Variants in CCDC187 observed in about 807,000 individuals in gnomAD.
CCDC187 encodes coiled-coil domain containing 187.
In CCDC187, 32 loss-of-function variants were observed where a neutral mutation model predicts 38.0. That is an observed-to-expected ratio of 0.84 (90% confidence interval 0.64 to 1.13). The LOEUF (loss-of-function observed/expected upper bound fraction) is 1.13. CCDC187 is among the 50% of genes most tolerant of loss of function. CCDC187 has a pLI of 0.00. For missense variants in CCDC187, 707 were observed against 786.8 expected (o/e 0.90, Z 1.21); for synonymous variants, 333 against 347.9 (o/e 0.96, Z 0.48).
At chr9:136,293,535 ACACT>A (rs1831434860) in intron 4 of CCDC187, among the ~76,000 whole-genome samples, 1 of 147,756 alleles carries the variant, frequency 6.8e-6, no homozygotes, top group South Asian at 2.1e-4. Flanking sequence ...ACACGCTTAC[ACACT>A]CACACTGACA....
rs114677927 is a variant in CCDC187 at position 136,259,907 on chromosome 9, A to G, written c.4210+212T>C. Reference sequence around the variant, plus strand: ...TCTTGGGAATGCTGGCTGCCAGTGCACGGGGTGGCCCGCCTGCTGGCAAAC... The same window carrying G: ...TCTTGGGAATGCTGGCTGCCAGTGCGCGGGGTGGCCCGCCTGCTGGCAAAC... On this transcript the variant is annotated intron_variant, in intron 20 of 25. Transcript: ENST00000638797. 8.3e-3 allele frequency among the ~76,000 whole-genome samples: 1,263 copies of G among 152,264 alleles called. 17 individuals carry two copies. The highest frequency in any genetic ancestry group is 0.029 in the African/African-American group (1,192 of 41,558).
rs913676196 is a variant in CCDC187 at position 136,286,556 on chromosome 9, G to T, written c.2362C>A (p.Leu788Met). Residue 788 changes from leucine to methionine, a missense_variant, in exon 8 of 26, where the codon CTG becomes ATG. Leu to Met is a conservative substitution (Grantham distance 15). Coordinates refer to ENST00000638797, the MANE Select transcript of CCDC187 (RefSeq NM_001378188.1). ...PSLGSLELQD[L>M]TTRYLPRGMC... ...CCCCGGGGTAGGTAGCGGGTGGTCA[G>T]GTCCTGGAGCTCCAGGGATCCCAGA... is the stretch of plus-strand genomic sequence containing the variant. The T allele has an allele frequency of 5.0e-6, 2 of 398,778 alleles. No homozygotes were observed. Among genetic ancestry groups the T allele is most frequent in the Non-Finnish European group, 8.8e-6 (2 of 226,164 alleles). The allele number at this position is 398,778 out of a possible 1,614,324, so 24.7% of individuals were successfully genotyped here. A position where few individuals can be genotyped will look rare whatever the true frequency, so the allele number is the denominator to read the frequency against.
Position 136,258,543 on chromosome 9 carries a change from G to A in CCDC187, c.4366+389C>T, listed in dbSNP as rs73670216. 7.9e-5 allele frequency among the ~76,000 whole-genome samples: 12 copies of A among 152,114 alleles called. No homozygotes were observed. The highest frequency in any genetic ancestry group is 2.9e-4 in the African/African-American group (12 of 41,416). ...TGCAAATTGGGGACTTGGCTCTCGG[G>A]GGGGGCCCCGGCCAAGTGTAAGGTT... On this transcript the variant is annotated intron_variant, in intron 22 of 25. Transcript: ENST00000638797. The surrounding 1 kb of genome is among the most constrained non-coding windows in gnomAD (Gnocchi z 4.3).
chr9:136,276,423 G>A (rs1209531919), intron 11 of CCDC187, 122 bp from the exon 12 acceptor site: 3 of 152,040 alleles, frequency 2.0e-5, no homozygotes, highest in African/African-American at 4.8e-5. Context: ...CCAGCCCCCC[G>A]ACTTTCTCTC....
chr9:136,267,380 T>A lies in CCDC187; in HGVS notation c.3647+4A>T. 1 of 985,278 alleles carries A rather than the reference T, an allele frequency of 1.0e-6. No individual in the cohort carries two copies. The highest frequency in any genetic ancestry group is 1.7e-5 in the African/African-American group (1 of 57,146). 61.0% of individuals were successfully genotyped at this position (985,278 alleles called of 1,614,324 possible). A position where few individuals can be genotyped will look rare whatever the true frequency, so the allele number is the denominator to read the frequency against. On this transcript the variant is annotated splice_donor_region_variant and intron_variant, in intron 16 of 25. Transcript: ENST00000638797. ...CGGGGCCGGCGCCAGGCGCATGCGC[T>A]CACCCTCGTCGATGCTCCAGCCAGG...
chr9:136,260,316 A>T, intron 19 of CCDC187, 52 bp from the exon 20 acceptor site: 1 of 984,348 alleles, frequency 1.0e-6, no homozygotes, highest in Non-Finnish European at 1.2e-6. Context: ...GCCCCTTCCC[A>T]GGTGTCCAGC....
At chr9:136,272,429 G>A (rs185143201) in intron 14 of CCDC187, among the ~76,000 whole-genome samples, 25 of 152,220 alleles carry the variant, frequency 1.6e-4, no homozygotes, top group African/African-American at 5.3e-4. Flanking sequence ...ATGGCCGGGC[G>A]TGGTGGCTCA....
Position 136,254,227 on chromosome 9 carries a change from A to T in CCDC187, c.5601T>A (p.Pro1867=), listed in dbSNP as rs1315775711. 1 of 985,196 alleles carries T rather than the reference A, an allele frequency of 1.0e-6. No individual in the cohort carries two copies. The highest frequency in any genetic ancestry group is 1.2e-6 in the Non-Finnish European group (1 of 829,870). The allele number at this position is 985,196 out of a possible 1,614,324, so 61.0% of individuals were successfully genotyped here. A position where few individuals can be genotyped will look rare whatever the true frequency, so the allele number is the denominator to read the frequency against. Reference sequence around the variant, plus strand: ...GCGGGAACACCACACCGGCGGCCTCAGGGGGTGCCTGGAGGGCTTCTCCTG... The same window carrying T: ...GCGGGAACACCACACCGGCGGCCTCTGGGGGTGCCTGGAGGGCTTCTCCTG... ...SDTGEALQAP[P]EAAGVVFPLQ... Residue 1867 remains proline, a synonymous_variant, in exon 26 of 26, where the codon CCT becomes CCA. Coordinates refer to ENST00000638797, the MANE Select transcript of CCDC187 (RefSeq NM_001378188.1).
Position 136,252,515 on chromosome 9 carries a change from GC to G in CCDC187, c.*1078del. The stretch of plus-strand genomic sequence containing the variant: ...AAGGTCCAGGCGACCATCCTGCACA[GC>G]CGGCCGCCCACCCGGTCCACCGGGG... On this transcript the variant is annotated 3_prime_UTR_variant, in exon 26 of 26. Transcript: ENST00000638797. 1 of 190,760 alleles carries G rather than the reference GC, an allele frequency of 5.2e-6. No individual in the cohort carries two copies. The highest frequency in any genetic ancestry group is 1.1e-5 in the Non-Finnish European group (1 of 89,690). 11.8% of individuals were successfully genotyped at this position (190,760 alleles called of 1,614,324 possible).
intron 2 of CCDC187, among the ~76,000 whole-genome samples, chr9:136,302,068 G>A (rs1399631037): frequency 2.0e-5 from 3 of 151,980 alleles, no homozygotes; most frequent in Admixed American, 1.3e-4. Context: ...AAATTAGCCA[G>A]GCATAGTGAC....
intron 14 of CCDC187, among the ~76,000 whole-genome samples, chr9:136,273,225 G>T (rs1030539915): frequency 3.9e-5 from 6 of 152,186 alleles, no homozygotes; most frequent in Non-Finnish European, 8.8e-5. Context: ...GGCAGAGATT[G>T]CCAGATTGAT....
chr9:136,255,961 G>A (rs565120399), intron 24 of CCDC187, among the ~76,000 whole-genome samples: 7 of 152,306 alleles, frequency 4.6e-5, no homozygotes, highest in Admixed American at 3.9e-4. Flanking sequence ...GCAGAGAGGG[G>A]GGTGGGGCTG....
intron 17 of CCDC187, chr9:136,265,510 A>G (rs1422248172): frequency 3.9e-5 from 6 of 152,320 alleles, no homozygotes; most frequent in Admixed American, 3.9e-4. Flanking sequence ...GAGGGCGTAC[A>G]TGGCACACGT....
At chr9:136,294,110 T>C (rs1326380094) in intron 4 of CCDC187, among the ~76,000 whole-genome samples, 1 of 52,196 alleles carries the variant, frequency 1.9e-5, no homozygotes, top group Non-Finnish European at 3.8e-5. Flanking sequence ...GTGCTCACAC[T>C]CACACACTCT....
At chr9:136,267,777 A>C (rs1421436724) in intron 15 of CCDC187, 2 of 928,536 alleles carry the variant, frequency 2.2e-6, no homozygotes, top group East Asian at 2.3e-4. Context: ...AGCCCAGGCC[A>C]CCTGCCCTAA....
At chr9:136,305,936 C>T (rs936585626), upstream of CCDC187, among the ~76,000 whole-genome samples, 2 of 152,202 alleles carry the variant, frequency 1.3e-5, no homozygotes, top group African/African-American at 4.8e-5. Flanking sequence ...AGGAGACACA[C>T]GTCAGCTCCC....
rs964274363 is a variant in CCDC187, at chr9:136,284,678, G to A, written c.2927+835C>T. On this transcript the variant is annotated intron_variant, in intron 9 of 25. Coordinates refer to ENST00000638797, the MANE Select transcript of CCDC187 (RefSeq NM_001378188.1). The stretch of plus-strand genomic sequence containing the variant: ...CCCACACCAGCAAGAGCGAGAGGCC[G>A]GCTGGGCAGGTGGTGGGCTCGGAGG... 1.6e-4 allele frequency among the ~76,000 whole-genome samples: 25 copies of A among 151,916 alleles called. No homozygotes were observed. The South Asian group carries it at 1.9e-3, about 11-fold the overall frequency.
In CCDC187 at chr9:136,268,029, C is replaced by T; in HGVS notation, c.3519+20G>A. ...GGGTCCTGAAATTGTGCCTCTCCCCCAGGGGACCTCTCCACGTACCTGGTG... is the reference window on the plus strand; with the variant it reads ...GGGTCCTGAAATTGTGCCTCTCCCCTAGGGGACCTCTCCACGTACCTGGTG... On this transcript the variant is annotated intron_variant, in intron 15 of 25. Coordinates refer to ENST00000638797, the MANE Select transcript of CCDC187 (RefSeq NM_001378188.1). 1 of 985,414 alleles carries T rather than the reference C, an allele frequency of 1.0e-6. No homozygotes were observed. Among genetic ancestry groups the T allele is most frequent in the Non-Finnish European group, 1.2e-6 (1 of 829,898 alleles). 61.0% of individuals were successfully genotyped at this position (985,414 alleles called of 1,614,324 possible).
chr9:136,261,734 G>C (rs1197182335), intron 19 of CCDC187, among the ~76,000 whole-genome samples: 1 of 152,234 alleles, frequency 6.6e-6, no homozygotes, highest in African/African-American at 2.4e-5. Flanking sequence ...CCCCCAGGCA[G>C]ACAGGGGCCT....
Sources: allele counts gnomAD v4.1 joint callset (sites outside exome capture counted in the v4.1 genomes callset), GRCh38; gene constraint gnomAD v4.1.1; non-coding constraint Gnocchi (gnomAD v3.1); transcripts MANE v1.5; gene names NCBI Gene and HGNC (gene_info 2026-07-23, HGNC 2026-07-21).